KHDRBS2: variants seen among roughly 807,000 people sequenced by gnomAD.
The protein encoded by KHDRBS2 is KH RNA binding domain containing, signal transduction associated 2.
A neutral mutation model predicts 44.3 loss-of-function variants in KHDRBS2; 26 were observed. That is an observed-to-expected ratio of 0.59 (90% confidence interval 0.43 to 0.81). The LOEUF is 0.81. KHDRBS2 is among the 40% of genes least tolerant of loss of function. The pLI is 0.00. For missense variants in KHDRBS2, 476 were observed against 433.1 expected, an observed-to-expected ratio of 1.10 and a Z score of -0.88; for synonymous variants, 194 against 151.1, an observed-to-expected ratio of 1.28 and a Z score of -2.08.
the KHDRBS2 span, among the ~76,000 whole-genome samples, chr6:61,611,640 G>C: frequency 6.6e-6 from 1 of 151,876 alleles, no homozygotes; most frequent in South Asian, 2.1e-4. Flanking sequence ...ACAATCATTT[G>C]ATTCTTTGTT....
At chr6:61,979,204 T>C (rs751769182) in intron 3 of KHDRBS2, among the ~76,000 whole-genome samples, 1 of 152,088 alleles carries the variant, frequency 6.6e-6, no homozygotes, top group African/African-American at 2.4e-5. Context: ...CCAATTCAGA[T>C]CCAGACCCAG....
chr6:61,602,328 A>T, the KHDRBS2 span, among the ~76,000 whole-genome samples: 1 of 152,266 alleles, frequency 6.6e-6, no homozygotes, highest in Middle Eastern at 3.4e-3. Flanking sequence ...CTTGAACCGC[A>T]GTGGCCAGGC....
At chr6:62,130,685 G>C (rs963975672) in intron 2 of KHDRBS2, among the ~76,000 whole-genome samples, 6 of 151,886 alleles carry the variant, frequency 4.0e-5, no homozygotes, top group Non-Finnish European at 7.4e-5. Flanking sequence ...AAAATATTAA[G>C]TAGAAAGTGT....
At chr6:61,710,369 T>C (rs1411546276) in intron 7 of KHDRBS2, among the ~76,000 whole-genome samples, 3 of 151,776 alleles carry the variant, frequency 2.0e-5, no homozygotes, top group Non-Finnish European at 2.9e-5. Flanking sequence ...TTGTTTACCA[T>C]CACTGCGGCA....
chr6:61,733,891 G>A, intron 6 of KHDRBS2, among the ~76,000 whole-genome samples: 1 of 151,692 alleles, frequency 6.6e-6, no homozygotes, highest in Non-Finnish European at 1.5e-5. Flanking sequence ...CCTGGTGCTG[G>A]CGCATCTCTT....
intron 4 of KHDRBS2, among the ~76,000 whole-genome samples, chr6:61,947,529 G>A (rs1373629939): frequency 2.0e-5 from 3 of 152,060 alleles, no homozygotes; most frequent in African/African-American, 7.2e-5. Flanking sequence ...AGAAGTGGAA[G>A]GGCTAAGGGG....
At chr6:61,605,830 G>T in the KHDRBS2 span, among the ~76,000 whole-genome samples, 1 of 152,012 alleles carries the variant, frequency 6.6e-6, no homozygotes, top group East Asian at 1.9e-4. Flanking sequence ...AGAATGTCAG[G>T]CCTCTGAGCC....
intron 4 of KHDRBS2, among the ~76,000 whole-genome samples, chr6:61,956,680 C>A (rs1767404131): frequency 6.6e-6 from 1 of 152,104 alleles, no homozygotes; most frequent in African/African-American, 2.4e-5. Context: ...ATTCTCTGCA[C>A]ACCCCTATAT....
At chr6:61,636,470 A>G in the KHDRBS2 span, among the ~76,000 whole-genome samples, 22 of 152,058 alleles carry the variant, frequency 1.4e-4, no homozygotes, top group African/African-American at 2.4e-4. Context: ...TGATTCCTCA[A>G]ATGGAAATTG....
intron 4 of KHDRBS2, among the ~76,000 whole-genome samples, chr6:61,958,040 T>C (rs1290314604): frequency 6.6e-6 from 1 of 152,150 alleles, no homozygotes; most frequent in Non-Finnish European, 1.5e-5. Context: ...TCATCATTAT[T>C]ATAATTCACT....
At chr6:62,176,520 T>G (rs1237484435) in intron 2 of KHDRBS2, among the ~76,000 whole-genome samples, 1 of 151,262 alleles carries the variant, frequency 6.6e-6, no homozygotes, top group Non-Finnish European at 1.5e-5. Flanking sequence ...AATCTTTGAG[T>G]TTACATTTTA....
chr6:61,640,287 G>A, the KHDRBS2 span, among the ~76,000 whole-genome samples: 3,743 of 152,164 alleles, frequency 0.025, 63 homozygotes, highest in Non-Finnish European at 0.038. Flanking sequence ...GTAGTTTAGT[G>A]TAGGTCTAAA....
At chr6:61,549,396 A>G in the KHDRBS2 span, among the ~76,000 whole-genome samples, 11 of 152,346 alleles carry the variant, frequency 7.2e-5, no homozygotes, top group Non-Finnish European at 1.2e-4. Flanking sequence ...ATTGTTTATC[A>G]TATTCAAAAT....
intron 6 of KHDRBS2, among the ~76,000 whole-genome samples, chr6:61,777,171 G>T (rs1158065671): frequency 3.3e-5 from 5 of 152,032 alleles, no homozygotes; most frequent in Non-Finnish European, 7.4e-5. Context: ...GTAGCATTAG[G>T]AGATACACCT....
the KHDRBS2 span, among the ~76,000 whole-genome samples, chr6:61,607,547 A>AAAAAAAAAAG: frequency 2.9e-5 from 4 of 140,212 alleles, no homozygotes; most frequent in Admixed American, 7.1e-5. Context: ...AAAAAAAAAG[A>AAAAAAAAAAG]TGTGTGAGAA....
At chr6:61,965,557 G>C (rs1769740225) in intron 4 of KHDRBS2, among the ~76,000 whole-genome samples, 1 of 152,020 alleles carries the variant, frequency 6.6e-6, no homozygotes, top group African/African-American at 2.4e-5. Flanking sequence ...TTTCCAGATT[G>C]GTTGAGGGTC....
intron 1 of KHDRBS2, among the ~76,000 whole-genome samples, chr6:62,281,154 C>A (rs1490255422): frequency 7.3e-6 from 1 of 136,838 alleles, no homozygotes; most frequent in African/African-American, 3.2e-5. Flanking sequence ...TTTTTAAAAC[C>A]CTCAATCTAA....
chr6:61,605,071 C>A, the KHDRBS2 span, among the ~76,000 whole-genome samples: 1 of 152,196 alleles, frequency 6.6e-6, no homozygotes, highest in Admixed American at 6.5e-5. Flanking sequence ...CAGCCACCAA[C>A]TTAAAAAGGA....
At chr6:61,651,315 G>C in the KHDRBS2 span, among the ~76,000 whole-genome samples, 2 of 152,076 alleles carry the variant, frequency 1.3e-5, no homozygotes, top group African/African-American at 4.8e-5. Context: ...GCTACATAAT[G>C]AGATATCCTG....
Sources: allele counts gnomAD v4.1 joint callset (sites outside exome capture counted in the v4.1 genomes callset), GRCh38; gene constraint gnomAD v4.1.1; transcripts MANE v1.5; gene names NCBI Gene and HGNC (gene_info 2026-07-23, HGNC 2026-07-21).